PPP2R3A: variants seen among roughly 807,000 people sequenced by gnomAD.
PPP2R3A encodes the protein protein phosphatase 2 regulatory subunit B''alpha.
A neutral mutation model predicts 106.9 loss-of-function variants in PPP2R3A; 80 were observed. The observed-to-expected ratio is 0.75, with a 90% CI of 0.62 to 0.90. The LOEUF is 0.90. PPP2R3A is among the 40% of genes least tolerant of loss of function. The pLI is 0.00. For synonymous variants in PPP2R3A, 483 were observed against 468.3 expected (o/e 1.03, Z -0.41); for missense variants, 1,386 against 1,350.4 (o/e 1.03, Z -0.41).
At chr3:135,983,921 G>A (rs1481354983) in intron 1 of PPP2R3A, among the ~76,000 whole-genome samples, 1 of 152,166 alleles carries the variant, frequency 6.6e-6, no homozygotes, top group African/African-American at 2.4e-5. Context: ...AGAGTCACCT[G>A]TAAATTTTAC....
intron 4 of PPP2R3A, among the ~76,000 whole-genome samples, chr3:136,042,062 C>G (rs1398780590): frequency 6.6e-6 from 1 of 152,204 alleles, no homozygotes; most frequent in Non-Finnish European, 1.5e-5. Flanking sequence ...TATTATTTAA[C>G]ATCAACCTAT....
In PPP2R3A at chr3:136,032,895, A is replaced by C. The variant is rs1468878578; in HGVS notation, c.2262+5797A>C. ...TTTCTCTTGTTTGATTGCTCTGACT[A>C]GGACTTCCAGTACTATGTTGAAGAA... On this transcript the variant is annotated intron_variant, in intron 3 of 13. Transcript: ENST00000264977. Among the ~76,000 whole-genome samples the C allele has an allele frequency of 2.0e-5, 3 of 152,212 alleles. No homozygotes were observed. The East Asian group carries it at 5.8e-4, about 29-fold the overall frequency.
At chr3:136,093,057 G>A (rs1003244168) in intron 10 of PPP2R3A, among the ~76,000 whole-genome samples, 1 of 152,168 alleles carries the variant, frequency 6.6e-6, no homozygotes, top group Non-Finnish European at 1.5e-5. Flanking sequence ...TTTCTTAGAT[G>A]TGACACCAAA....
intron 1 of PPP2R3A, among the ~76,000 whole-genome samples, chr3:135,997,534 C>G (rs1216175475): frequency 6.6e-6 from 1 of 152,166 alleles, no homozygotes; most frequent in Non-Finnish European, 1.5e-5. Flanking sequence ...GTCTCCAACC[C>G]AGATCTTTCT....
intron 13 of PPP2R3A, among the ~76,000 whole-genome samples, chr3:136,138,712 T>A (rs1208698941): frequency 2.6e-5 from 3 of 116,028 alleles, no homozygotes; most frequent in Non-Finnish European, 3.4e-5. Flanking sequence ...TTTTTTTTTT[T>A]TTTTTTTTTT....
chr3:136,145,252 T>TA lies in PPP2R3A; in HGVS notation c.*89dup, dbSNP rs1341709332. 8 of 1,461,690 alleles carry TA rather than the reference T, an allele frequency of 5.5e-6. No individual in the cohort carries two copies. The highest frequency in any genetic ancestry group is 2.3e-5 in the Admixed American group (1 of 42,750). 90.5% of individuals were successfully genotyped at this position (1,461,690 alleles called of 1,614,324 possible). ...ATGTTCTCGTTTGCATACTGCTTTTTAAAGACTTTGATTTCTCCAAGTGTG... is the reference window on the plus strand; with the variant it reads ...ATGTTCTCGTTTGCATACTGCTTTTTAAAAGACTTTGATTTCTCCAAGTGTG... On this transcript the variant is annotated 3_prime_UTR_variant, in exon 14 of 14. Coordinates refer to ENST00000264977, the MANE Select transcript of PPP2R3A (RefSeq NM_002718.5).
chr3:136,093,628 A>G (rs1937148968), intron 10 of PPP2R3A, among the ~76,000 whole-genome samples: 1 of 152,208 alleles, frequency 6.6e-6, no homozygotes, highest in Admixed American at 6.5e-5. Flanking sequence ...AGATATATGC[A>G]TGGCCAATAA....
At chr3:136,013,395 G>T (rs1482476145) in intron 2 of PPP2R3A, among the ~76,000 whole-genome samples, 1 of 152,036 alleles carries the variant, frequency 6.6e-6, no homozygotes, top group Non-Finnish European at 1.5e-5. Flanking sequence ...TGGATCAAAT[G>T]GTAGATCTAC....
At chr3:136,135,868 A>G (rs1411273575) in intron 13 of PPP2R3A, among the ~76,000 whole-genome samples, 2 of 151,778 alleles carry the variant, frequency 1.3e-5, no homozygotes, top group Non-Finnish European at 2.9e-5. Flanking sequence ...CAACATGGCA[A>G]AACCCCATCT....
rs151122167 is a variant in PPP2R3A, at chr3:136,096,441, T to C, written c.2928-5566T>C. ...CTATGCCTGGTAACAGAGGTAGATA[T>C]GGGAAGAATCTGGGTAGATTGTTTT... On this transcript the variant is annotated intron_variant, in intron 10 of 13. Coordinates refer to ENST00000264977, the MANE Select transcript of PPP2R3A (RefSeq NM_002718.5). 3.8e-3 allele frequency among the ~76,000 whole-genome samples: 584 copies of C among 152,314 alleles called. 8 individuals carry two copies. In the East Asian group the frequency reaches 0.048, roughly 13 times the overall value.
intron 1 of PPP2R3A, among the ~76,000 whole-genome samples, chr3:136,000,348 C>T (rs1036226953): frequency 1.3e-5 from 2 of 152,162 alleles, no homozygotes; most frequent in Non-Finnish European, 2.9e-5. Flanking sequence ...AATACATTGA[C>T]AGAACCTTCT....
intron 9 of PPP2R3A, among the ~76,000 whole-genome samples, chr3:136,089,606 T>TG (rs1482381743): frequency 3.2e-5 from 4 of 124,648 alleles, no homozygotes; most frequent in Non-Finnish European, 5.1e-5. Flanking sequence ...ATGGTGTTGT[T>TG]TTTTTTTTTT....
intron 1 of PPP2R3A, among the ~76,000 whole-genome samples, chr3:135,966,733 T>G (rs1937099127): frequency 6.6e-6 from 1 of 152,226 alleles, no homozygotes; most frequent in African/African-American, 2.4e-5. Context: ...GGAAATGGCC[T>G]GAAAACATTA....
At chr3:136,095,072 T>C (rs1341344114) in intron 10 of PPP2R3A, among the ~76,000 whole-genome samples, 1 of 152,202 alleles carries the variant, frequency 6.6e-6, no homozygotes, top group East Asian at 1.9e-4. Flanking sequence ...TCTCTGGATT[T>C]TCTTCTAGAT....
intron 2 of PPP2R3A, among the ~76,000 whole-genome samples, chr3:136,006,759 G>A (rs1933857857): frequency 6.6e-6 from 1 of 152,190 alleles, no homozygotes; most frequent in African/African-American, 2.4e-5. Context: ...TTGTCCCAGG[G>A]GAATTCAGCA....
chr3:136,016,649 G>T (rs1934279292), intron 2 of PPP2R3A, among the ~76,000 whole-genome samples: 1 of 152,030 alleles, frequency 6.6e-6, no homozygotes, highest in Non-Finnish European at 1.5e-5. Flanking sequence ...CACTTTTGGT[G>T]TCCATTTGCA....
chr3:136,082,320 C>T lies in PPP2R3A; in HGVS notation c.2687C>T (p.Ser896Phe), dbSNP rs1442928649. 2 of 1,604,374 alleles carry T rather than the reference C, an allele frequency of 1.2e-6. No individual in the cohort carries two copies. Among genetic ancestry groups the T allele is most frequent in the Non-Finnish European group, 1.7e-6 (2 of 1,171,292 alleles). Residue 896 changes from serine (S) to phenylalanine (F), a missense_variant, in exon 8 of 14, where the codon TCC (serine) becomes TTC (phenylalanine). Transcript: ENST00000264977. ...EDINQITDYF[S>F]YEHFYVIYCK... ...ATAAACCAAATTACAGATTACTTCT[C>T]CTATGAACATTTCTATGTTATTTAT...
chr3:135,990,297 C>G (rs1019404267), intron 1 of PPP2R3A, among the ~76,000 whole-genome samples: 1 of 152,090 alleles, frequency 6.6e-6, no homozygotes, highest in African/African-American at 2.4e-5. Flanking sequence ...AAGACCTTCT[C>G]TGCTCACTTG....
At chr3:136,126,906 A>T (rs1467288538) in intron 13 of PPP2R3A, among the ~76,000 whole-genome samples, 1 of 152,156 alleles carries the variant, frequency 6.6e-6, no homozygotes, top group Admixed American at 6.5e-5. Context: ...ATTCCAACAG[A>T]CCTGCAGCTG....
Sources: allele counts gnomAD v4.1 joint callset (sites outside exome capture counted in the v4.1 genomes callset), GRCh38; gene constraint gnomAD v4.1.1; transcripts MANE v1.5; gene names NCBI Gene and HGNC (gene_info 2026-07-23, HGNC 2026-07-21).